The following ITPR1 variants were observed in gnomAD, a reference collection of about 807,000 sequenced individuals.
ITPR1 encodes the protein inositol 1,4,5-trisphosphate-gated calcium channel ITPR1.
Under a neutral mutation model 318.4 loss-of-function variants are expected in ITPR1, and 96 were observed. The observed-to-expected ratio is 0.30, with a 90% CI of 0.26 to 0.36. The LOEUF (loss-of-function observed/expected upper bound fraction) is 0.36. Among genes scored for constraint, ITPR1 ranks in the 10% least tolerant of loss-of-function variants. The probability of loss-of-function intolerance (pLI) is 1.00; values close to 1 mark genes in which losing one functional copy is unlikely to be tolerated. For synonymous variants in ITPR1, 1,312 were observed against 1,289.9 expected (o/e 1.02, Z -0.37); for missense variants, 2,440 against 3,460.2 (o/e 0.71, Z 7.40).
At chr3:4,541,862 G>A (rs1049711119) in intron 4 of ITPR1, among the ~76,000 whole-genome samples, 3 of 152,134 alleles carry the variant, frequency 2.0e-5, no homozygotes, top group African/African-American at 7.2e-5. Context: ...TTGACCTGAT[G>A]ATACACCCAC....
At chr3:4,742,799 A>C (rs1485278294) in intron 44 of ITPR1, among the ~76,000 whole-genome samples, 1 of 152,132 alleles carries the variant, frequency 6.6e-6, no homozygotes, top group African/African-American at 2.4e-5. Context: ...TACATGCTGT[A>C]TTTTGTGAAA....
At chr3:4,615,298 C>G (rs1469007291) in intron 4 of ITPR1, among the ~76,000 whole-genome samples, 1 of 151,838 alleles carries the variant, frequency 6.6e-6, no homozygotes, top group Non-Finnish European at 1.5e-5. Context: ...GTTCGGGCTA[C>G]TGGTTGGAAG....
chr3:4,693,690 C>T lies in ITPR1; in HGVS notation c.4230C>T (p.Leu1410=), dbSNP rs575759153. 31 of 1,614,028 alleles carry T rather than the reference C, an allele frequency of 1.9e-5. No homozygotes were observed. The highest frequency in any genetic ancestry group is 2.6e-5 in the Non-Finnish European group (31 of 1,179,914). Residue 1410 remains leucine, a synonymous_variant, in exon 33 of 62, where the codon CTC becomes CTT. Coordinates refer to ENST00000649015, the MANE Select transcript of ITPR1 (RefSeq NM_001378452.1). ...VYTEIKCNSL[L]PLDDIVRVVT... ...CAGAGATCAAGTGCAACTCCCTGCT[C>T]CCGCTGGATGACATCGTTCGCGTGG... is the stretch of plus-strand genomic sequence containing the variant.
intron 4 of ITPR1, among the ~76,000 whole-genome samples, chr3:4,545,647 T>G (rs1360086707): frequency 6.7e-6 from 1 of 149,338 alleles, no homozygotes; most frequent in African/African-American, 2.5e-5. Context: ...AAAAAGGCTT[T>G]GGAAGCATCT....
rs200811515 is a variant in ITPR1, at chr3:4,539,240, CT to C, written c.163+18152del. Reference sequence around the variant, plus strand: ...GATTTTAAGGGATGTTTCTAGTTCTCTTTTTTGAAAAAATGTTTTACAACTT... The same window carrying C: ...GATTTTAAGGGATGTTTCTAGTTCTCTTTTTGAAAAAATGTTTTACAACTT... On this transcript the variant is annotated intron_variant, in intron 4 of 61. Transcript: ENST00000649015. Among the ~76,000 whole-genome samples, 1,395 of 152,086 alleles carry C rather than the reference CT, an allele frequency of 9.2e-3. 15 individuals carry two copies. The highest frequency in any genetic ancestry group is 0.032 in the African/African-American group (1,347 of 41,492).
chr3:4,798,578 C>T (rs1362471834), intron 53 of ITPR1, among the ~76,000 whole-genome samples: 1 of 152,204 alleles, frequency 6.6e-6, no homozygotes, highest in African/African-American at 2.4e-5. Context: ...CTGTAGGATC[C>T]AACATTCTAC....
At chr3:4,757,125 T>C (rs1414939473) in intron 44 of ITPR1, among the ~76,000 whole-genome samples, 1 of 152,158 alleles carries the variant, frequency 6.6e-6, no homozygotes, top group Non-Finnish European at 1.5e-5. Context: ...GGCCAAAATG[T>C]AGGTTTCCCG....
intron 4 of ITPR1, among the ~76,000 whole-genome samples, chr3:4,608,595 G>C (rs2091860409): frequency 6.6e-6 from 1 of 152,098 alleles, no homozygotes; most frequent in Non-Finnish European, 1.5e-5. Context: ...TTGATTGTTA[G>C]AACTAGGGAG....
chr3:4,768,823 T>G, intron 46 of ITPR1, 59 bp downstream of exon 46: 1 of 1,535,200 alleles, frequency 6.5e-7, no homozygotes, highest in Non-Finnish European at 8.9e-7. Flanking sequence ...AAGGCCTGCC[T>G]TCCTCTGATG....
chr3:4,651,332 C>G (rs758284653), intron 10 of ITPR1, among the ~76,000 whole-genome samples: 31 of 152,252 alleles, frequency 2.0e-4, no homozygotes, highest in East Asian at 1.2e-3. Flanking sequence ...TACCCCATCC[C>G]CACAAATTCT....
At chr3:4,690,562 T>G (rs539252889) in intron 31 of ITPR1, among the ~76,000 whole-genome samples, 8 of 152,326 alleles carry the variant, frequency 5.3e-5, no homozygotes, top group African/African-American at 1.7e-4. Context: ...ACTCATACTT[T>G]GTGACCCAAC....
chr3:4,639,300 C>A, intron 5 of ITPR1, 84 bp from the exon 6 acceptor site: 1 of 1,027,782 alleles, frequency 9.7e-7, no homozygotes, highest in Non-Finnish European at 1.5e-6. Flanking sequence ...CTTGTATGAA[C>A]TGGCGACATT....
At chr3:4,535,168 C>G (rs1394345221) in intron 4 of ITPR1, among the ~76,000 whole-genome samples, 1 of 152,126 alleles carries the variant, frequency 6.6e-6, no homozygotes, top group Non-Finnish European at 1.5e-5. Flanking sequence ...CACAGTGCTC[C>G]TTTACTGGTC....
At chr3:4,495,634 A>T (rs2080494676) in intron 2 of ITPR1, among the ~76,000 whole-genome samples, 1 of 152,342 alleles carries the variant, frequency 6.6e-6, no homozygotes, top group African/African-American at 2.4e-5. Context: ...ACTGGTTGCT[A>T]AAAATAATAA....
At chr3:4,836,322 CAG>C (rs2050912111) in intron 60 of ITPR1, among the ~76,000 whole-genome samples, 1 of 152,054 alleles carries the variant, frequency 6.6e-6, no homozygotes, top group African/African-American at 2.4e-5. Context: ...GTTCTGGAAA[CAG>C]ATGATGGGGA....
chr3:4,621,822 C>T (rs573550129), intron 4 of ITPR1, among the ~76,000 whole-genome samples: 5 of 152,198 alleles, frequency 3.3e-5, no homozygotes, highest in East Asian at 1.9e-4. Context: ...GGGCTTGGCC[C>T]GAGTTTTATG....
At chr3:4,578,069 C>A (rs2088877453) in intron 4 of ITPR1, among the ~76,000 whole-genome samples, 1 of 152,194 alleles carries the variant, frequency 6.6e-6, no homozygotes, top group South Asian at 2.1e-4. Context: ...TTAGCCCTTC[C>A]AGCTCATAGT....
At chr3:4,598,358 G>A (rs533650431) in intron 4 of ITPR1, among the ~76,000 whole-genome samples, 41 of 152,326 alleles carry the variant, frequency 2.7e-4, no homozygotes, top group Admixed American at 5.2e-4. Flanking sequence ...AGTGGCTCAC[G>A]CCTATAATCT....
At position 4,759,959 on chromosome 3, in the gene ITPR1, A is replaced by G. The variant is rs571901201; in HGVS notation, c.5545-6571A>G. Among the ~76,000 whole-genome samples, 56 of 152,286 alleles carry G rather than the reference A, an allele frequency of 3.7e-4. 1 individual carries two copies. The South Asian group carries it at 3.9e-3, about 11-fold the overall frequency. On this transcript the variant is annotated intron_variant, in intron 44 of 61. Coordinates refer to ENST00000649015, the MANE Select transcript of ITPR1 (RefSeq NM_001378452.1). Reference sequence around the variant, plus strand: ...CTGCCCCTGCCCTGGCCTTTTCCTTAAAGCGTATCTGATCAGATCTGTCAT... The same window carrying G: ...CTGCCCCTGCCCTGGCCTTTTCCTTGAAGCGTATCTGATCAGATCTGTCAT...
Sources: allele counts gnomAD v4.1 joint callset (sites outside exome capture counted in the v4.1 genomes callset), GRCh38; gene constraint gnomAD v4.1.1; transcripts MANE v1.5; gene names NCBI Gene and HGNC (gene_info 2026-07-23, HGNC 2026-07-21).